ZNF100: variants seen among roughly 807,000 people sequenced by gnomAD.
The protein encoded by ZNF100 is zinc finger protein 100 (Y1).
ZNF100 carries 12 observed loss-of-function variants against 15.8 expected under a neutral mutation model. The ratio of observed to expected loss-of-function variants is 0.76; its 90% CI spans 0.49 to 1.23. ZNF100 has a LOEUF of 1.23. Ranked by LOEUF, ZNF100 falls within the 50% of genes most tolerant of loss-of-function variation. The pLI is 0.00. For synonymous variants in ZNF100, 226 were observed against 214.8 expected, an observed-to-expected ratio of 1.05 and a Z score of -0.45; for missense variants, 670 against 635.6, an observed-to-expected ratio of 1.05 and a Z score of -0.58.
chr19:21,754,107 C>A (rs1043445964), intron 2 of ZNF100, among the ~76,000 whole-genome samples: 4 of 152,070 alleles, frequency 2.6e-5, no homozygotes, highest in African/African-American at 9.7e-5. Context: ...ACAAAGCATT[C>A]CTGGGCCAGG....
At chr19:21,751,574 A>G in intron 2 of ZNF100, 1 of 1,474,284 alleles carries the variant, frequency 6.8e-7, no homozygotes, top group Non-Finnish European at 9.5e-7. Context: ...TCTTGCCTCC[A>G]AGGTTTGGGA....
chr19:21,755,948 A>T (rs1000877720), intron 2 of ZNF100, among the ~76,000 whole-genome samples: 1 of 152,158 alleles, frequency 6.6e-6, no homozygotes, highest in Non-Finnish European at 1.5e-5. Flanking sequence ...AATGGTGAGG[A>T]GACAGAACAT....
At chr19:21,728,874 G>C (rs1230417590) in intron 4 of ZNF100, among the ~76,000 whole-genome samples, 1 of 151,794 alleles carries the variant, frequency 6.6e-6, no homozygotes, top group African/African-American at 2.4e-5. Context: ...CAGGAAGACA[G>C]AGAACTATAG....
intron 2 of ZNF100, among the ~76,000 whole-genome samples, chr19:21,764,996 G>A (rs1175961918): frequency 6.6e-6 from 1 of 151,990 alleles, no homozygotes; most frequent in Non-Finnish European, 1.5e-5. Context: ...TTGAAATTCT[G>A]TTTGAAATCA....
At chr19:21,765,837 A>G (rs1474293784) in intron 1 of ZNF100, 51 bp from the exon 2 acceptor site, 5 of 1,554,756 alleles carry the variant, frequency 3.2e-6, no homozygotes, top group Non-Finnish European at 4.4e-6. Flanking sequence ...ACTTTAGCTG[A>G]CAGAACCATG....
intron 2 of ZNF100, among the ~76,000 whole-genome samples, chr19:21,746,484 C>T (rs1463436769): frequency 2.0e-5 from 3 of 152,174 alleles, no homozygotes; most frequent in African/African-American, 4.8e-5. Context: ...ATATTCTCCA[C>T]GTAAACCCCA....
chr19:21,745,869 G>A (rs1360854095), intron 2 of ZNF100, among the ~76,000 whole-genome samples: 1 of 152,128 alleles, frequency 6.6e-6, no homozygotes, highest in African/African-American at 2.4e-5. Flanking sequence ...AAAGTTTTTG[G>A]CCCCAAAAGA....
intron 4 of ZNF100, among the ~76,000 whole-genome samples, chr19:21,730,858 CA>C (rs1157980750): frequency 1.3e-5 from 2 of 151,696 alleles, no homozygotes; most frequent in Non-Finnish European, 2.9e-5. Flanking sequence ...TAAACATTTA[CA>C]AATATATGGA....
intron 2 of ZNF100, chr19:21,746,925 C>A (rs2036221452): frequency 6.6e-6 from 1 of 152,124 alleles, no homozygotes; most frequent in Admixed American, 6.5e-5. Context: ...AGAAAACTGC[C>A]TTAAATGTGT....
At chr19:21,735,546 A>G (rs886819133) in intron 4 of ZNF100, among the ~76,000 whole-genome samples, 12 of 151,760 alleles carry the variant, frequency 7.9e-5, no homozygotes, top group African/African-American at 1.7e-4. Flanking sequence ...AGCTGGTTAA[A>G]GAGTCAACTC....
chr19:21,751,542 G>A, intron 2 of ZNF100: 1 of 1,233,996 alleles, frequency 8.1e-7, no homozygotes, highest in South Asian at 1.2e-5. Context: ...AACTAGAAAA[G>A]GATTGTTCTG....
Position 21,745,591 on chromosome 19 carries a change from C to G in ZNF100, c.97-524G>C, listed in dbSNP as rs923402604. The stretch of plus-strand genomic sequence containing the variant: ...ACTGCGGACTGCAGTGGCGCAATCT[C>G]GGCTCACTGCAAGCTCCGCTTCCTG... On this transcript the variant is annotated intron_variant, in intron 2 of 4. Coordinates refer to ENST00000358296, the MANE Select transcript of ZNF100 (RefSeq NM_173531.4). 8.6e-5 allele frequency among the ~76,000 whole-genome samples: 13 copies of G among 151,828 alleles called. No homozygotes were observed. In the South Asian group the frequency reaches 1.5e-3, roughly 17 times the overall value.
At chr19:21,748,346 G>A (rs1024120138) in intron 2 of ZNF100, among the ~76,000 whole-genome samples, 6 of 152,268 alleles carry the variant, frequency 3.9e-5, no homozygotes, top group African/African-American at 1.4e-4. Flanking sequence ...CCTTCAAAAA[G>A]GGTGAATCTG....
At chr19:21,729,196 T>C (rs1030203480) in intron 4 of ZNF100, among the ~76,000 whole-genome samples, 4 of 151,872 alleles carry the variant, frequency 2.6e-5, no homozygotes, top group Non-Finnish European at 5.9e-5. Flanking sequence ...AGAAGGGAAG[T>C]GTGTAATAAA....
chr19:21,748,681 A>G (rs2036252160), intron 2 of ZNF100, among the ~76,000 whole-genome samples: 1 of 151,962 alleles, frequency 6.6e-6, no homozygotes, highest in Non-Finnish European at 1.5e-5. Context: ...ACAACAATAT[A>G]AAAAGAAGTG....
At chr19:21,734,131 A>C (rs2035969533) in intron 4 of ZNF100, among the ~76,000 whole-genome samples, 1 of 152,082 alleles carries the variant, frequency 6.6e-6, no homozygotes, top group African/African-American at 2.4e-5. Flanking sequence ...AATGCTGAAA[A>C]CTCAAAAACC....
Position 21,727,008 on chromosome 19 carries a change from C to T in ZNF100, c.1304G>A (p.Gly435Asp). 6.2e-7 allele frequency: 1 copy of T among 1,613,760 alleles called. No individual in the cohort carries two copies. The change falls in exon 5 of 5, where the codon GGC becomes GAC. Residue 435 changes from glycine (G) to aspartate (D), a missense_variant. By Grantham distance (94) the Gly-to-Asp change is moderately conservative. Transcript: ENST00000358296. ...GTTTGAGGACTCATTAAAAGCTTTGCCACATTCTTCACATTTGTAGGGTTT... is the reference window on the plus strand; with the variant it reads ...GTTTGAGGACTCATTAAAAGCTTTGTCACATTCTTCACATTTGTAGGGTTT... ...GEKPYKCEEC[G>D]KAFNESSNLT...
chr19:21,756,484 C>A (rs565616935), intron 2 of ZNF100, among the ~76,000 whole-genome samples: 3 of 99,050 alleles, frequency 3.0e-5, no homozygotes, highest in Non-Finnish European at 7.0e-5. Context: ...ATGCCATTCA[C>A]AATTGCCACA....
At chr19:21,745,415 A>G (rs1047368203) in intron 2 of ZNF100, among the ~76,000 whole-genome samples, 1 of 152,220 alleles carries the variant, frequency 6.6e-6, no homozygotes, top group Non-Finnish European at 1.5e-5. Flanking sequence ...ATGTTGAGTT[A>G]GAAGGCACCT....
Sources: allele counts gnomAD v4.1 joint callset (sites outside exome capture counted in the v4.1 genomes callset), GRCh38; gene constraint gnomAD v4.1.1; transcripts MANE v1.5; gene names NCBI Gene and HGNC (gene_info 2026-07-23, HGNC 2026-07-21).